The following RORB variants were observed in gnomAD, a reference collection of about 807,000 sequenced individuals.
RORB encodes the protein nuclear receptor ROR-beta.
RORB carries 6 observed loss-of-function variants against 59.1 expected under a neutral mutation model. The observed-to-expected ratio is 0.10, with a 90% CI of 0.06 to 0.20. The LOEUF (loss-of-function observed/expected upper bound fraction) is 0.20. Ranked by LOEUF, RORB falls within the 10% of genes least tolerant of loss-of-function variation. The pLI is 1.00. For missense variants in RORB, 320 were observed against 560.5 expected (o/e 0.57, Z 4.33); for synonymous variants, 215 against 204.5 (o/e 1.05, Z -0.44).
intron 3 of RORB, among the ~76,000 whole-genome samples, chr9:74,640,309 C>T (rs1007691549): frequency 6.6e-6 from 1 of 152,006 alleles, no homozygotes; most frequent in Non-Finnish European, 1.5e-5. Flanking sequence ...GGCTCAGTCT[C>T]GGCTCACTGC....
chr9:74,529,437 T>C (rs1206179309), intron 1 of RORB, among the ~76,000 whole-genome samples: 1 of 151,902 alleles, frequency 6.6e-6, no homozygotes, highest in Non-Finnish European at 1.5e-5. Flanking sequence ...CTGCTCCTTG[T>C]AGGATCACTG....
chr9:74,581,220 G>GTCTCC (rs1822717979), intron 1 of RORB, among the ~76,000 whole-genome samples: 1 of 152,136 alleles, frequency 6.6e-6, no homozygotes. Context: ...CCAGAGAAAA[G>GTCTCC]TCTCCGTGCA....
chr9:74,641,356 T>C (rs571592213), intron 3 of RORB, among the ~76,000 whole-genome samples: 1 of 152,324 alleles, frequency 6.6e-6, no homozygotes, highest in East Asian at 1.9e-4. Context: ...CAGCACTTCT[T>C]CCTTCTTTTT....
intron 1 of RORB, among the ~76,000 whole-genome samples, chr9:74,623,061 T>TG (rs1823450701): frequency 6.6e-6 from 1 of 152,192 alleles, no homozygotes; most frequent in Non-Finnish European, 1.5e-5. Flanking sequence ...CCAGAACTAC[T>TG]GTGAATAGCC....
chr9:74,585,219 C>T (rs1237419497), intron 1 of RORB, among the ~76,000 whole-genome samples: 1 of 152,164 alleles, frequency 6.6e-6, no homozygotes, highest in Non-Finnish European at 1.5e-5. Context: ...TCAACAGCTT[C>T]CAAAAGTACG....
At chr9:74,574,696 G>A (rs112551280) in intron 1 of RORB, among the ~76,000 whole-genome samples, 143 of 152,194 alleles carry the variant, frequency 9.4e-4, no homozygotes, top group African/African-American at 3.2e-3. Context: ...AATTGACCAT[G>A]TAACCCTGCA....
At chr9:74,563,417 C>T (rs1233751462) in intron 1 of RORB, among the ~76,000 whole-genome samples, 1 of 152,132 alleles carries the variant, frequency 6.6e-6, no homozygotes. Flanking sequence ...AACTCCTGAC[C>T]TTGTGATCCA....
intron 1 of RORB, among the ~76,000 whole-genome samples, chr9:74,556,012 A>T (rs1822283157): frequency 6.6e-6 from 1 of 152,166 alleles, no homozygotes; most frequent in Non-Finnish European, 1.5e-5. Context: ...CTTTATTTGC[A>T]TGTATTTGCA....
chr9:74,656,575 A>G (rs1824085632), intron 4 of RORB, among the ~76,000 whole-genome samples: 1 of 152,276 alleles, frequency 6.6e-6, no homozygotes, highest in African/African-American at 2.4e-5. Flanking sequence ...GTCTCTACTG[A>G]AAATACAAAA....
chr9:74,593,320 G>A (rs1477812823), intron 1 of RORB, among the ~76,000 whole-genome samples: 4 of 151,878 alleles, frequency 2.6e-5, no homozygotes, highest in African/African-American at 4.8e-5. Flanking sequence ...TACAAAATTA[G>A]CCAGGCACAG....
intron 1 of RORB, among the ~76,000 whole-genome samples, chr9:74,588,372 A>G (rs929936692): frequency 6.6e-6 from 1 of 152,206 alleles, no homozygotes; most frequent in Admixed American, 6.5e-5. Flanking sequence ...ACATATGGAT[A>G]TACTGTCTTA....
chr9:74,638,389 A>G lies in RORB; in HGVS notation c.235+3617A>G, dbSNP rs188940010. Among the ~76,000 whole-genome samples the G allele has an allele frequency of 7.0e-4, 106 of 152,328 alleles. 1 individual carries two copies. The highest frequency in any genetic ancestry group is 2.7e-3 in the South Asian group (13 of 4,826). ...TTAAATTGTTCTTTAGTATTATGGG[A>G]TCAAAATGAGGGTTAAGAGCATATC... On this transcript the variant is annotated intron_variant, in intron 3 of 9. Transcript: ENST00000376896.
chr9:74,630,168 C>T (rs751676883), intron 1 of RORB, 114 bp from the exon 2 acceptor site: 21 of 1,405,916 alleles, frequency 1.5e-5, no homozygotes, highest in Non-Finnish European at 1.9e-5. Flanking sequence ...CCGCTCACAC[C>T]CCAGTATTTT....
chr9:74,671,998 ATT>A, intron 9 of RORB, 97 bp downstream of exon 9: 1 of 646,830 alleles, frequency 1.5e-6, no homozygotes, highest in Non-Finnish European at 2.7e-6. Flanking sequence ...AGCAGCAACA[ATT>A]TCTGAAAGTT....
In RORB at chr9:74,593,466, TAA is replaced by T. The variant is rs11343707; in HGVS notation, c.8-36799_8-36798del. On this transcript the variant is annotated intron_variant, in intron 1 of 9. Coordinates refer to ENST00000376896, the MANE Select transcript of RORB (RefSeq NM_006914.4). Reference sequence around the variant, plus strand: ...GGGCAACAAGAGCTCAAACTCCATCTAAAAAAAAAAAAAAAAAACAAAAGAGG... The same window carrying T: ...GGGCAACAAGAGCTCAAACTCCATCTAAAAAAAAAAAAAAAACAAAAGAGG... Among the ~76,000 whole-genome samples, 574 of 124,770 alleles carry T rather than the reference TAA, an allele frequency of 4.6e-3. 8 individuals are homozygous for T. The East Asian group carries it at 0.078, about 17-fold the overall frequency. 81.9% of individuals were successfully genotyped at this position (124,770 alleles called of 152,430 possible).
At chr9:74,679,797 C>T (rs1824513577) in intron 9 of RORB, among the ~76,000 whole-genome samples, 2 of 152,102 alleles carry the variant, frequency 1.3e-5, no homozygotes, top group South Asian at 4.1e-4. Flanking sequence ...ACTCCTCATT[C>T]ATCAAATTGC....
chr9:74,601,501 G>C (rs1823056531), intron 1 of RORB, among the ~76,000 whole-genome samples: 1 of 151,872 alleles, frequency 6.6e-6, no homozygotes, highest in Admixed American at 6.6e-5. Flanking sequence ...TCATGTCAGA[G>C]ATATTTTATG....
intron 6 of RORB, 148 bp from the exon 7 acceptor site, chr9:74,665,340 A>G: frequency 2.5e-6 from 1 of 393,444 alleles, no homozygotes; most frequent in East Asian, 3.6e-5. Flanking sequence ...GGATTTCTGT[A>G]TGTGTGTGCC....
At chr9:74,616,990 T>A (rs1437220379) in intron 1 of RORB, among the ~76,000 whole-genome samples, 1 of 147,562 alleles carries the variant, frequency 6.8e-6, no homozygotes. Flanking sequence ...GCTGTAGCTT[T>A]AAAAAAAAAA....
Sources: allele counts gnomAD v4.1 joint callset (sites outside exome capture counted in the v4.1 genomes callset), GRCh38; gene constraint gnomAD v4.1.1; transcripts MANE v1.5; gene names NCBI Gene and HGNC (gene_info 2026-07-23, HGNC 2026-07-21).